The following DSCAML1 variants were observed in gnomAD, a reference collection of about 807,000 sequenced individuals.
The protein encoded by DSCAML1 is DS cell adhesion molecule like 1.
A neutral mutation model predicts 200.5 loss-of-function variants in DSCAML1; 38 were observed. The ratio of observed to expected loss-of-function variants is 0.19; its 90% CI spans 0.15 to 0.25. The LOEUF (loss-of-function observed/expected upper bound fraction) is 0.25. DSCAML1 is among the 10% of genes least tolerant of loss of function. The pLI is 1.00. For missense variants in DSCAML1, 2,223 were observed against 2,858.8 expected (o/e 0.78, Z 5.07); for synonymous variants, 1,215 against 1,165.0 (o/e 1.04, Z -0.87).
intron 11 of DSCAML1, among the ~76,000 whole-genome samples, chr11:117,501,193 A>C (rs547587669): frequency 6.6e-6 from 1 of 152,242 alleles, no homozygotes; most frequent in African/African-American, 2.4e-5. Context: ...CAAAGGAGGG[A>C]AAGAAAAGAG....
intron 3 of DSCAML1, among the ~76,000 whole-genome samples, chr11:117,710,968 G>A (rs2053838380): frequency 1.3e-5 from 2 of 152,184 alleles, no homozygotes; most frequent in Non-Finnish European, 2.9e-5. Flanking sequence ...AGTGAGGGTT[G>A]TTCTACCTCT....
Position 117,618,671 on chromosome 11 carries a change from T to TAA in DSCAML1, c.512-86151_512-86150dup, listed in dbSNP as rs201195482. On this transcript the variant is annotated intron_variant, in intron 3 of 32. Coordinates refer to ENST00000651296, the MANE Select transcript of DSCAML1 (RefSeq NM_020693.4). The stretch of plus-strand genomic sequence containing the variant: ...CTTTATAGTGCCTTTAGGTTTGGTT[T>TAA]AAAAAAAAAAAATCTGTCTTTGCAG... Among the ~76,000 whole-genome samples the TAA allele has an allele frequency of 7.0e-3, 1,041 of 147,818 alleles. 8 individuals are homozygous for TAA. Among genetic ancestry groups the TAA allele is most frequent in the African/African-American group, 0.024 (955 of 40,612 alleles).
At chr11:117,444,503 C>A (rs901780506) in intron 20 of DSCAML1, among the ~76,000 whole-genome samples, 5 of 152,164 alleles carry the variant, frequency 3.3e-5, no homozygotes. Flanking sequence ...CTAGCCCTGC[C>A]GTCTAATTAC....
intron 11 of DSCAML1, among the ~76,000 whole-genome samples, chr11:117,499,771 G>T (rs2049360914): frequency 6.6e-6 from 1 of 152,184 alleles, no homozygotes; most frequent in South Asian, 2.1e-4. Flanking sequence ...GACCACTTGG[G>T]CCTGGTTGGT....
intron 1 of DSCAML1, among the ~76,000 whole-genome samples, chr11:117,803,092 G>A (rs1393174068): frequency 6.6e-6 from 1 of 151,940 alleles, no homozygotes; most frequent in Non-Finnish European, 1.5e-5. Context: ...GCTTGGGATT[G>A]GTGGAATGTA....
chr11:117,584,397 A>G (rs1015873705), intron 3 of DSCAML1, among the ~76,000 whole-genome samples: 1 of 152,068 alleles, frequency 6.6e-6, no homozygotes, highest in Non-Finnish European at 1.5e-5. Context: ...GGAGGAAAAA[A>G]CCAATCCCAA....
chr11:117,793,136 G>A (rs912118985), intron 1 of DSCAML1, among the ~76,000 whole-genome samples: 4 of 152,204 alleles, frequency 2.6e-5, no homozygotes, highest in Non-Finnish European at 5.9e-5. Context: ...GGCTAGGTGA[G>A]CATGCAAATC....
At chr11:117,662,301 C>T (rs191869299) in intron 3 of DSCAML1, among the ~76,000 whole-genome samples, 2 of 152,360 alleles carry the variant, frequency 1.3e-5, no homozygotes, top group East Asian at 1.9e-4. Flanking sequence ...CAAACGCTCC[C>T]TTTCATGGAA....
intron 17 of DSCAML1, among the ~76,000 whole-genome samples, chr11:117,462,853 C>A (rs2048507443): frequency 6.6e-6 from 1 of 152,226 alleles, no homozygotes; most frequent in Non-Finnish European, 1.5e-5. Context: ...GTATGAAAAA[C>A]TGCTGAGCAA....
At chr11:117,453,381 A>G (rs557972110) in intron 19 of DSCAML1, among the ~76,000 whole-genome samples, 2 of 152,146 alleles carry the variant, frequency 1.3e-5, no homozygotes, top group African/African-American at 2.4e-5. Context: ...TCCTACAATC[A>G]TTTTCCTTCT....
At chr11:117,478,287 C>T (rs939654484) in intron 14 of DSCAML1, among the ~76,000 whole-genome samples, 5 of 152,150 alleles carry the variant, frequency 3.3e-5, no homozygotes, top group Non-Finnish European at 7.4e-5. Flanking sequence ...CCCAGGCATC[C>T]ACCTCCCATC....
At chr11:117,592,115 AG>A (rs1415868921) in intron 3 of DSCAML1, among the ~76,000 whole-genome samples, 2 of 152,106 alleles carry the variant, frequency 1.3e-5, no homozygotes, top group Non-Finnish European at 2.9e-5. Flanking sequence ...CTCATCAGGT[AG>A]GGCAGGGGCC....
chr11:117,573,612 G>A (rs975717299), intron 3 of DSCAML1, among the ~76,000 whole-genome samples: 2 of 152,216 alleles, frequency 1.3e-5, no homozygotes, highest in East Asian at 1.9e-4. Flanking sequence ...GCTCTCCAGT[G>A]AGGCCATCAG....
chr11:117,778,182 G>T (rs900032735), intron 2 of DSCAML1, among the ~76,000 whole-genome samples: 1 of 152,250 alleles, frequency 6.6e-6, no homozygotes, highest in Non-Finnish European at 1.5e-5. Flanking sequence ...GCTGTGATGA[G>T]GAGAAGATGT....
At chr11:117,617,680 G>GCA (rs36207373) in intron 3 of DSCAML1, among the ~76,000 whole-genome samples, 19,721 of 142,590 alleles carry the variant, frequency 0.14, 1,424 homozygotes, top group South Asian at 0.3. Flanking sequence ...ACAGGTACAC[G>GCA]CACACACACA....
intron 3 of DSCAML1, among the ~76,000 whole-genome samples, chr11:117,681,627 G>A (rs546414311): frequency 1.1e-4 from 16 of 152,212 alleles, no homozygotes; most frequent in Non-Finnish European, 1.6e-4. Context: ...TGGAGACTGC[G>A]TTCTCCTCCA....
chr11:117,558,613 A>T (rs935598012), intron 3 of DSCAML1, among the ~76,000 whole-genome samples: 21 of 152,192 alleles, frequency 1.4e-4, no homozygotes, highest in African/African-American at 5.1e-4. Flanking sequence ...GTGTAGCAGG[A>T]CGAGTCACAG....
Position 117,437,422 on chromosome 11 carries a change from A to T in DSCAML1, c.4433-13T>A. 1 of 1,607,468 alleles carries T rather than the reference A, an allele frequency of 6.2e-7. No homozygotes were observed. Among genetic ancestry groups the T allele is most frequent in the South Asian group, 1.1e-5 (1 of 90,434 alleles). ...CTGAAGGAGGGCTCTGGCAGGCCGG[A>T]GGGAGAGAGAGAGGTTAGAGAGATT... On this transcript the variant is annotated splice_polypyrimidine_tract_variant and intron_variant, in intron 25 of 32. Transcript: ENST00000651296. The surrounding 1 kb of genome is among the most constrained non-coding windows in gnomAD (Gnocchi z 5.3).
intron 19 of DSCAML1, among the ~76,000 whole-genome samples, chr11:117,451,123 C>T (rs2048274240): frequency 6.6e-6 from 1 of 152,168 alleles, no homozygotes; most frequent in Non-Finnish European, 1.5e-5. Context: ...GCTGGGACCA[C>T]AACCTGTTTT....
Sources: allele counts gnomAD v4.1 joint callset (sites outside exome capture counted in the v4.1 genomes callset), GRCh38; gene constraint gnomAD v4.1.1; non-coding constraint Gnocchi (gnomAD v3.1); transcripts MANE v1.5; gene names NCBI Gene and HGNC (gene_info 2026-07-23, HGNC 2026-07-21).